HS2ST1: variants seen among roughly 807,000 people sequenced by gnomAD.
The protein encoded by HS2ST1 is 2-O-sulfotransferase.
A neutral mutation model predicts 42.9 loss-of-function variants in HS2ST1; 18 were observed. The ratio of observed to expected loss-of-function variants is 0.42; its 90% CI spans 0.29 to 0.62. HS2ST1 has a LOEUF of 0.62. Among genes scored for constraint, HS2ST1 ranks in the 20% least tolerant of loss-of-function variants. The pLI, the probability that HS2ST1 is intolerant of heterozygous loss-of-function variation, is 0.21. For missense variants in HS2ST1, 334 were observed against 433.8 expected (o/e 0.77, Z 2.04); for synonymous variants, 146 against 152.9 (o/e 0.95, Z 0.33).
intron 1 of HS2ST1, among the ~76,000 whole-genome samples, chr1:86,974,280 G>A (rs752605070): frequency 1.3e-5 from 2 of 152,036 alleles, no homozygotes; most frequent in African/African-American, 2.4e-5. Flanking sequence ...ATTAATAATC[G>A]ATTATACCTA....
At chr1:86,940,766 A>T (rs61802160) in intron 1 of HS2ST1, among the ~76,000 whole-genome samples, 36,224 of 151,880 alleles carry the variant, frequency 0.24, 5,081 homozygotes, top group African/African-American at 0.38. Context: ...AGGCTGGGGC[A>T]GTAGGATTGC....
chr1:86,995,815 C>G (rs1649081386), intron 1 of HS2ST1, among the ~76,000 whole-genome samples: 1 of 151,924 alleles, frequency 6.6e-6, no homozygotes, highest in African/African-American at 2.4e-5. Flanking sequence ...ATTTCATTGA[C>G]TAGTAAGTGC....
In HS2ST1 at chr1:86,914,779, C is replaced by T. The variant is rs1039502447; in HGVS notation, c.-258C>T. On this transcript the variant is annotated 5_prime_UTR_variant, in exon 1 of 7. Transcript: ENST00000370550. ...AGGCGAGAGCCCGGCAGCCGCTTCG[C>T]GCTGTTTGCTGCGCGGGCTTTTGGA... 3 of 522,088 alleles carry T rather than the reference C, an allele frequency of 5.7e-6. No homozygotes were observed. The East Asian group carries it at 1.1e-4, about 19-fold the overall frequency. The allele number at this position is 522,088 out of a possible 1,614,324, so 32.3% of individuals were successfully genotyped here.
At chr1:86,936,506 C>T (rs1660655861) in intron 1 of HS2ST1, among the ~76,000 whole-genome samples, 1 of 152,092 alleles carries the variant, frequency 6.6e-6, no homozygotes, top group Non-Finnish European at 1.5e-5. Context: ...TACCAAGTTT[C>T]AGGAGTTATA....
At chr1:86,983,214 G>C (rs1182850220) in intron 1 of HS2ST1, among the ~76,000 whole-genome samples, 2 of 152,150 alleles carry the variant, frequency 1.3e-5, no homozygotes, top group Non-Finnish European at 2.9e-5. Context: ...CTCTATAGCA[G>C]TGCCCTACTC....
chr1:87,087,235 T>C (rs1651836846), intron 3 of HS2ST1, among the ~76,000 whole-genome samples: 2 of 152,154 alleles, frequency 1.3e-5, no homozygotes, highest in African/African-American at 2.4e-5. Context: ...TCTTCAGCAA[T>C]AAACATTTTC....
At chr1:86,918,028 A>G (rs569765805) in intron 1 of HS2ST1, among the ~76,000 whole-genome samples, 1 of 152,198 alleles carries the variant, frequency 6.6e-6, no homozygotes, top group Non-Finnish European at 1.5e-5. Flanking sequence ...TTTGTCCTTA[A>G]AAGTAGTTAT....
chr1:86,994,805 C>T (rs766933783), intron 1 of HS2ST1, among the ~76,000 whole-genome samples: 2 of 151,952 alleles, frequency 1.3e-5, no homozygotes, highest in African/African-American at 2.4e-5. Context: ...TGTAGTACAT[C>T]GACCAAGTAT....
chr1:86,921,161 A>G (rs1187395676), intron 1 of HS2ST1, among the ~76,000 whole-genome samples: 1 of 152,168 alleles, frequency 6.6e-6, no homozygotes, highest in African/African-American at 2.4e-5. Context: ...TATTGGCTGA[A>G]GTATGCTGTA....
In HS2ST1 at chr1:87,076,687, A is replaced by G. The variant is rs554687717; in HGVS notation, c.363+3515A>G. On this transcript the variant is annotated intron_variant, in intron 2 of 6. Coordinates refer to ENST00000370550, the MANE Select transcript of HS2ST1 (RefSeq NM_012262.4). ...GGAATTGGCAAGAGATAGGTAATCA[A>G]TCAACTCTTCTAGTTGAAAAATGGA... Among the ~76,000 whole-genome samples, 16 of 152,322 alleles carry G rather than the reference A, an allele frequency of 1.1e-4. No homozygotes were observed. The East Asian group carries it at 3.1e-3, about 29-fold the overall frequency.
At chr1:87,010,448 A>T (rs1649566358) in intron 1 of HS2ST1, among the ~76,000 whole-genome samples, 1 of 152,222 alleles carries the variant, frequency 6.6e-6, no homozygotes, top group African/African-American at 2.4e-5. Context: ...ATTTATATCC[A>T]TACTGGTAAC....
At chr1:86,942,014 C>T (rs1660772967) in intron 1 of HS2ST1, among the ~76,000 whole-genome samples, 1 of 152,078 alleles carries the variant, frequency 6.6e-6, no homozygotes, top group South Asian at 2.1e-4. Flanking sequence ...TTGATAAAAC[C>T]AGTTCTGCAT....
At chr1:86,929,580 T>G (rs963788733) in intron 1 of HS2ST1, among the ~76,000 whole-genome samples, 1 of 151,850 alleles carries the variant, frequency 6.6e-6, no homozygotes, top group Admixed American at 6.6e-5. Context: ...TAAAGATAGA[T>G]TTATAAAATG....
chr1:87,007,878 A>G (rs558196585), intron 1 of HS2ST1, among the ~76,000 whole-genome samples: 88 of 152,258 alleles, frequency 5.8e-4, no homozygotes, highest in African/African-American at 1.9e-3. Flanking sequence ...AAATCTGTCA[A>G]CAGTCTCAAC....
chr1:86,920,506 C>T (rs1256589781), intron 1 of HS2ST1, among the ~76,000 whole-genome samples: 1 of 130,130 alleles, frequency 7.7e-6, no homozygotes, highest in Non-Finnish European at 1.6e-5. Context: ...ATTGGTGCCT[C>T]ACTTAGTCTT....
chr1:86,922,588 T>C (rs1660323455), intron 1 of HS2ST1, among the ~76,000 whole-genome samples: 1 of 152,116 alleles, frequency 6.6e-6, no homozygotes, highest in Non-Finnish European at 1.5e-5. Context: ...GTTTGAAGGA[T>C]ATTTTTGTTG....
chr1:86,990,812 TTA>T (rs57401994), intron 1 of HS2ST1, among the ~76,000 whole-genome samples: 1 of 10,258 alleles, frequency 9.7e-5, no homozygotes, highest in African/African-American at 1.5e-4. Flanking sequence ...CTGGCTAATT[TTA>T]TATATATATA....
At position 87,109,465 on chromosome 1, in the gene HS2ST1, GC is replaced by G; in HGVS notation, c.*4770del. ...ATTAGAAGAAAAAAATAGAGAAAGG[GC>G]TATTAGAATTAAAAAAATTTGAAAG... is the stretch of plus-strand genomic sequence containing the variant. On this transcript the variant is annotated 3_prime_UTR_variant, in exon 7 of 7. Coordinates refer to ENST00000370550, the MANE Select transcript of HS2ST1 (RefSeq NM_012262.4). The G allele has an allele frequency of 1.3e-5, 2 of 152,026 alleles. No individual in the cohort carries two copies. Among genetic ancestry groups the G allele is most frequent in the South Asian group, 4.1e-4 (2 of 4,820 alleles). 9.4% of individuals were successfully genotyped at this position (152,026 alleles called of 1,614,324 possible).
At position 87,071,022 on chromosome 1, in the gene HS2ST1, TTCTC is replaced by T. The variant is rs568265429; in HGVS notation, c.125-1907_125-1904del. Among the ~76,000 whole-genome samples, 181 of 152,310 alleles carry T rather than the reference TTCTC, an allele frequency of 1.2e-3. 1 individual carries two copies. The highest frequency in any genetic ancestry group is 4.1e-3 in the African/African-American group (170 of 41,582). The stretch of plus-strand genomic sequence containing the variant: ...ATTCAATATTAAGCTCATTATGTCT[TTCTC>T]TCTCCATTTTCAGTTCATACCTTCC... On this transcript the variant is annotated intron_variant, in intron 1 of 6. Transcript: ENST00000370550.
Sources: gnomAD v4.1 joint callset for allele counts (sites outside exome capture counted in the v4.1 genomes callset) on GRCh38, gnomAD v4.1.1 for gene constraint, MANE v1.5 for transcripts, NCBI Gene and HGNC (gene_info 2026-07-23, HGNC 2026-07-21) for gene names.